PDE8B: variants seen among roughly 807,000 people sequenced by gnomAD.
The protein encoded by PDE8B is phosphodiesterase 8B.
In PDE8B, 26 loss-of-function variants were observed where a neutral mutation model predicts 101.3. The ratio of observed to expected loss-of-function variants is 0.26; its 90% CI spans 0.19 to 0.36. PDE8B has a LOEUF of 0.36. Among genes scored for constraint, PDE8B ranks in the 10% least tolerant of loss-of-function variants. The pLI is 1.00. For synonymous variants in PDE8B, 424 were observed against 429.3 expected, an observed-to-expected ratio of 0.99 and a Z score of 0.15; for missense variants, 810 against 1,163.1, an observed-to-expected ratio of 0.70 and a Z score of 4.42.
chr5:77,402,918 C>G (rs774762202), intron 11 of PDE8B, among the ~76,000 whole-genome samples: 10 of 152,178 alleles, frequency 6.6e-5, no homozygotes, highest in Non-Finnish European at 1.3e-4. Context: ...CTAGGCAATT[C>G]TTAAAGAAGT....
At chr5:77,289,036 T>A (rs563429590) in intron 1 of PDE8B, among the ~76,000 whole-genome samples, 2 of 152,138 alleles carry the variant, frequency 1.3e-5, no homozygotes, top group Admixed American at 6.5e-5. Flanking sequence ...CTTCTCTTTT[T>A]ATCTCTGAAT....
intron 10 of PDE8B, chr5:77,358,453 G>A: frequency 1.0e-6 from 1 of 985,242 alleles, no homozygotes; most frequent in Non-Finnish European, 1.2e-6. Context: ...ATGCTGCTTT[G>A]GGTGAGTTCT....
At chr5:77,097,187 A>T in the PDE8B span, among the ~76,000 whole-genome samples, 11 of 152,196 alleles carry the variant, frequency 7.2e-5, no homozygotes, top group Non-Finnish European at 1.5e-4. Flanking sequence ...GCGAAGGAGG[A>T]AGAAAAGCCT....
chr5:77,096,305 T>C, the PDE8B span, among the ~76,000 whole-genome samples: 1 of 152,212 alleles, frequency 6.6e-6, no homozygotes, highest in East Asian at 1.9e-4. Context: ...ACATTATTGA[T>C]GAACTTTTTT....
chr5:77,313,155 A>G (rs557969778), intron 2 of PDE8B, among the ~76,000 whole-genome samples: 1 of 152,368 alleles, frequency 6.6e-6, no homozygotes, highest in Admixed American at 6.5e-5. Flanking sequence ...AAAGATGCAG[A>G]AAAGATGTAA....
At chr5:77,298,309 AG>A (rs1769070938) in intron 1 of PDE8B, among the ~76,000 whole-genome samples, 1 of 152,194 alleles carries the variant, frequency 6.6e-6, no homozygotes, top group South Asian at 2.1e-4. Flanking sequence ...ACTTAAATTG[AG>A]GGCTGTGGGC....
At chr5:77,156,230 T>G in the PDE8B span, among the ~76,000 whole-genome samples, 2 of 152,322 alleles carry the variant, frequency 1.3e-5, no homozygotes, top group Non-Finnish European at 2.9e-5. Context: ...AATGTTCATG[T>G]AGCTATGGGA....
At chr5:77,150,972 C>T in the PDE8B span, among the ~76,000 whole-genome samples, 106 of 152,302 alleles carry the variant, frequency 7.0e-4, 1 homozygote, top group Non-Finnish European at 1.3e-4. Flanking sequence ...AAAACAGAGA[C>T]CAGCAGGTAG....
chr5:77,325,438 G>A, intron 2 of PDE8B, 101 bp from the exon 3 acceptor site: 1 of 1,048,508 alleles, frequency 9.5e-7, no homozygotes, highest in Non-Finnish European at 1.5e-6. Flanking sequence ...CAAAGAGCTG[G>A]GATTACAGGC....
chr5:77,091,331 T>A, the PDE8B span, among the ~76,000 whole-genome samples: 6 of 151,920 alleles, frequency 3.9e-5, no homozygotes, highest in African/African-American at 1.5e-4. Context: ...AATAAAAAAA[T>A]GAAAAAGAAA....
At chr5:77,394,474 C>T (rs1466316386) in intron 10 of PDE8B, among the ~76,000 whole-genome samples, 2 of 152,066 alleles carry the variant, frequency 1.3e-5, no homozygotes, top group Non-Finnish European at 2.9e-5. Flanking sequence ...CCCCATATGC[C>T]CTAGTAAATG....
the PDE8B span, among the ~76,000 whole-genome samples, chr5:77,173,342 C>T: frequency 6.6e-6 from 1 of 152,150 alleles, no homozygotes; most frequent in Non-Finnish European, 1.5e-5. Flanking sequence ...CTGTTGGGTA[C>T]AAGATCTCAG....
At chr5:77,413,400 T>A in intron 17 of PDE8B, 91 bp downstream of exon 17, 1 of 1,161,100 alleles carries the variant, frequency 8.6e-7, no homozygotes, top group Non-Finnish European at 1.3e-6. Flanking sequence ...ACAGCTATTT[T>A]GCAACCAAGT....
intron 10 of PDE8B, among the ~76,000 whole-genome samples, chr5:77,361,657 G>A (rs1329279710): frequency 6.6e-6 from 1 of 151,952 alleles, no homozygotes; most frequent in Admixed American, 6.6e-5. Context: ...TGGGACTACA[G>A]GCGCCCGCTA....
intron 1 of PDE8B, among the ~76,000 whole-genome samples, chr5:77,294,629 T>C (rs1768108143): frequency 6.6e-6 from 1 of 150,924 alleles, no homozygotes; most frequent in Non-Finnish European, 1.5e-5. Flanking sequence ...GAAAGGGAAT[T>C]GATTACTCAG....
At chr5:77,141,590 G>A in the PDE8B span, 1 of 152,164 alleles carries the variant, frequency 6.6e-6, no homozygotes, top group Admixed American at 6.5e-5. Context: ...TTTAAAGACA[G>A]GGTCTTATTC....
the PDE8B span, chr5:77,111,969 A>G: frequency 6.6e-6 from 1 of 152,108 alleles, no homozygotes; most frequent in East Asian, 1.9e-4. Flanking sequence ...TTTTGCACCC[A>G]TTCCTACTTA....
chr5:77,342,661 T>G (rs12188039), intron 6 of PDE8B, among the ~76,000 whole-genome samples: 1 of 152,036 alleles, frequency 6.6e-6, no homozygotes, highest in African/African-American at 2.4e-5. Flanking sequence ...TGTTGGACAG[T>G]AAATAGCTTA....
At chr5:77,366,873 G>C (rs913630810) in intron 10 of PDE8B, among the ~76,000 whole-genome samples, 30 of 152,082 alleles carry the variant, frequency 2.0e-4, no homozygotes, top group African/African-American at 7.0e-4. Flanking sequence ...CTGGATGGCA[G>C]CCCCCCGGTG....
Sources: allele counts gnomAD v4.1 joint callset (sites outside exome capture counted in the v4.1 genomes callset), GRCh38; gene constraint gnomAD v4.1.1; transcripts MANE v1.5; gene names NCBI Gene and HGNC (gene_info 2026-07-23, HGNC 2026-07-21).